KCNB2: variants seen among roughly 807,000 people sequenced by gnomAD.
KCNB2 encodes the protein delayed rectifier potassium channel protein.
KCNB2 carries 15 observed loss-of-function variants against 61.5 expected under a neutral mutation model. That is an observed-to-expected ratio of 0.24 (90% CI 0.16 to 0.38). KCNB2 has a LOEUF of 0.38. Among genes scored for constraint, KCNB2 ranks in the 10% least tolerant of loss-of-function variants. The pLI is 1.00. For missense variants in KCNB2, 828 were observed against 1,125.2 expected, an observed-to-expected ratio of 0.74 and a Z score of 3.78; for synonymous variants, 457 against 446.0, an observed-to-expected ratio of 1.02 and a Z score of -0.31.
intron 2 of KCNB2, among the ~76,000 whole-genome samples, chr8:72,843,887 T>C (rs1366659566): frequency 6.6e-6 from 1 of 152,204 alleles, no homozygotes; most frequent in African/African-American, 2.4e-5. Context: ...TGACTCTTTA[T>C]CCAATTTGCC....
chr8:72,566,926 G>A (rs1806633959), intron 1 of KCNB2, among the ~76,000 whole-genome samples: 2 of 152,048 alleles, frequency 1.3e-5, no homozygotes, highest in Admixed American at 1.3e-4. Context: ...CGGGTATGGG[G>A]TGGGGAAGGC....
chr8:72,766,295 A>C (rs748471256), intron 2 of KCNB2, among the ~76,000 whole-genome samples: 6 of 152,206 alleles, frequency 3.9e-5, no homozygotes, highest in Admixed American at 1.3e-4. Flanking sequence ...AGAGATTCTC[A>C]CATCCAGCCA....
In KCNB2 at chr8:72,900,303, A is replaced by G. The variant is rs376728266; in HGVS notation, c.580-35632A>G. Among the ~76,000 whole-genome samples, 17 of 152,202 alleles carry G rather than the reference A, an allele frequency of 1.1e-4. No homozygotes were observed. In the East Asian group the frequency reaches 1.9e-3, roughly 17 times the overall value. On this transcript the variant is annotated intron_variant, in intron 2 of 2. Transcript: ENST00000523207. ...TAACTGACTAGCCATATGCAGAAGA[A>G]TAAAACTGGACCCCAAACTGTCATC...
chr8:72,899,589 A>T (rs1345594493), intron 2 of KCNB2, among the ~76,000 whole-genome samples: 1 of 152,204 alleles, frequency 6.6e-6, no homozygotes, highest in Admixed American at 6.6e-5. Flanking sequence ...AAAAACATTC[A>T]AGCTGAGAGT....
chr8:72,706,898 G>C (rs565104215), intron 2 of KCNB2, among the ~76,000 whole-genome samples: 5 of 152,274 alleles, frequency 3.3e-5, no homozygotes, highest in African/African-American at 1.2e-4. Context: ...TTTGTTAAGG[G>C]TTTGTGCTGC....
rs537164899 is a variant in KCNB2 at position 72,718,615 on chromosome 8, G to A, written c.579+150302G>A. On this transcript the variant is annotated intron_variant, in intron 2 of 2. Transcript: ENST00000523207. ...CACTCATAGGTGGGAATTGAACAAC[G>A]AGAACACATGGACACAGGAAGGGGA... 6.3e-5 allele frequency among the ~76,000 whole-genome samples: 9 copies of A among 142,368 alleles called. No individual in the cohort carries two copies. The East Asian group carries it at 1.8e-3, about 29-fold the overall frequency. The allele number at this position is 142,368 out of a possible 152,430, so 93.4% of individuals were successfully genotyped here.
intron 2 of KCNB2, among the ~76,000 whole-genome samples, chr8:72,805,629 A>AC (rs1448446076): frequency 3.3e-5 from 5 of 152,098 alleles, no homozygotes; most frequent in African/African-American, 4.8e-5. Flanking sequence ...AGCCCTTTTT[A>AC]CCCCTCATTA....
intron 2 of KCNB2, among the ~76,000 whole-genome samples, chr8:72,903,842 T>C (rs1293461209): frequency 1.3e-5 from 2 of 152,104 alleles, no homozygotes; most frequent in African/African-American, 2.4e-5. Flanking sequence ...GAAGGAAAAA[T>C]ATTTCTTTAT....
chr8:72,677,692 A>G (rs2128988750), intron 2 of KCNB2, among the ~76,000 whole-genome samples: 1 of 152,236 alleles, frequency 6.6e-6, no homozygotes, highest in South Asian at 2.1e-4. Flanking sequence ...TGTGCTTCTC[A>G]TAACTCATTG....
intron 2 of KCNB2, among the ~76,000 whole-genome samples, chr8:72,662,616 G>T (rs1330767983): frequency 6.6e-6 from 1 of 152,056 alleles, no homozygotes; most frequent in Non-Finnish European, 1.5e-5. Flanking sequence ...CCCTGATCCT[G>T]GTCAGTGCTC....
intron 2 of KCNB2, among the ~76,000 whole-genome samples, chr8:72,831,907 G>C (rs1178788294): frequency 6.6e-6 from 1 of 152,186 alleles, no homozygotes; most frequent in Admixed American, 6.5e-5. Flanking sequence ...GAAGCAATCA[G>C]ATTATATTTT....
chr8:72,546,131 T>C (rs1299615216), intron 1 of KCNB2, among the ~76,000 whole-genome samples: 1 of 152,182 alleles, frequency 6.6e-6, no homozygotes, highest in Non-Finnish European at 1.5e-5. Context: ...TTGTTCTCTG[T>C]TCTTCTGTTT....
chr8:72,773,016 T>G (rs1808585458), intron 2 of KCNB2, among the ~76,000 whole-genome samples: 1 of 152,206 alleles, frequency 6.6e-6, no homozygotes, highest in African/African-American at 2.4e-5. Context: ...TGGTGACAAG[T>G]CCAGCTCACC....
chr8:72,790,889 C>A (rs1808930847), intron 2 of KCNB2, among the ~76,000 whole-genome samples: 1 of 152,166 alleles, frequency 6.6e-6, no homozygotes, highest in Non-Finnish European at 1.5e-5. Context: ...CTTTCATATA[C>A]TCTTTCTCTG....
At chr8:72,697,054 C>T (rs1807029694) in intron 2 of KCNB2, among the ~76,000 whole-genome samples, 1 of 152,194 alleles carries the variant, frequency 6.6e-6, no homozygotes, top group African/African-American at 2.4e-5. Flanking sequence ...AATATCACTA[C>T]TGCCTTATTG....
chr8:72,583,548 A>C (rs1302930825), intron 2 of KCNB2, among the ~76,000 whole-genome samples: 2 of 152,028 alleles, frequency 1.3e-5, no homozygotes, highest in Non-Finnish European at 2.9e-5. Flanking sequence ...AACACACTTC[A>C]ACCTGTAGGG....
At chr8:72,583,907 C>A (rs372598393) in intron 2 of KCNB2, among the ~76,000 whole-genome samples, 1 of 137,532 alleles carries the variant, frequency 7.3e-6, no homozygotes, top group East Asian at 2.1e-4. Flanking sequence ...AAAATGCTAT[C>A]TTTCATAATT....
chr8:72,896,472 G>A (rs1200735230), intron 2 of KCNB2, among the ~76,000 whole-genome samples: 1 of 152,124 alleles, frequency 6.6e-6, no homozygotes, highest in Non-Finnish European at 1.5e-5. Flanking sequence ...CAGAAAGGTT[G>A]AGCAAAGTCT....
At chr8:72,741,088 T>G (rs917858681) in intron 2 of KCNB2, among the ~76,000 whole-genome samples, 2 of 152,198 alleles carry the variant, frequency 1.3e-5, no homozygotes, top group African/African-American at 2.4e-5. Context: ...ATTTCATGTG[T>G]TTTCTATATA....
Sources: allele counts gnomAD v4.1 joint callset (sites outside exome capture counted in the v4.1 genomes callset), GRCh38; gene constraint gnomAD v4.1.1; transcripts MANE v1.5; gene names NCBI Gene and HGNC (gene_info 2026-07-23, HGNC 2026-07-21).